GPR137: variants seen among roughly 807,000 people sequenced by gnomAD.
The protein encoded by GPR137 is G protein-coupled receptor 137.
A neutral mutation model predicts 38.9 loss-of-function variants in GPR137; 20 were observed. The ratio of observed to expected loss-of-function variants is 0.51; its 90% CI spans 0.36 to 0.75. The LOEUF (loss-of-function observed/expected upper bound fraction) is 0.75, where lower values mean the gene tolerates loss of function less well. Ranked by LOEUF, GPR137 falls within the 30% of genes least tolerant of loss-of-function variation. The probability of loss-of-function intolerance (pLI) is 0.00; values close to 1 mark genes in which losing one functional copy is unlikely to be tolerated. For missense variants in GPR137, 456 were observed against 526.4 expected (o/e 0.87, Z 1.31); for synonymous variants, 226 against 235.8 (o/e 0.96, Z 0.38).
chr11:64,271,809 G>A, upstream of GPR137: 1 of 1,396,768 alleles, frequency 7.2e-7, no homozygotes, highest in East Asian at 2.8e-5. Context: ...AGCGCCTGCA[G>A]AGGGTCAGTG....
upstream of GPR137, chr11:64,284,589 C>A: frequency 6.7e-7 from 1 of 1,496,206 alleles, no homozygotes; most frequent in South Asian, 1.3e-5. Flanking sequence ...CCCGGTGGAC[C>A]CAGGCCCCGC....
At chr11:64,284,544 G>T, upstream of GPR137, 1 of 1,506,278 alleles carries the variant, frequency 6.6e-7, no homozygotes, top group Non-Finnish European at 8.8e-7. Context: ...GGGAGCTGAG[G>T]CTGTCGGCTC....
Position 64,287,796 on chromosome 11 carries a change from C to A in GPR137, c.483C>A (p.Ser161=). The change falls in exon 3 of 7, where the codon TCC becomes TCA. Residue 161 remains serine, a synonymous_variant. Coordinates refer to ENST00000438980, the MANE Select transcript of GPR137 (RefSeq NM_001170880.2). The part of the protein sequence containing the change: ...LLVNVLCAVL[S]HRRRAQPWAL... Reference sequence around the variant, plus strand: ...TGAACGTGCTGTGTGCTGTGCTCTCCCATCGGCGCCGGGCACAGCCCTGGG... The same window carrying A: ...TGAACGTGCTGTGTGCTGTGCTCTCACATCGGCGCCGGGCACAGCCCTGGG... The A allele has an allele frequency of 6.2e-7, 1 of 1,607,286 alleles. No individual in the cohort carries two copies.
intron 2 of GPR137, 94 bp downstream of exon 2, chr11:64,287,108 A>G (rs889349852): frequency 5.9e-6 from 9 of 1,524,858 alleles, no homozygotes; most frequent in Admixed American, 2.1e-5. Flanking sequence ...GGCTGAGACA[A>G]AGGCAACCCA....
intron 2 of GPR137, among the ~76,000 whole-genome samples, chr11:64,277,273 A>T (rs1591157479): frequency 6.6e-6 from 1 of 152,040 alleles, no homozygotes; most frequent in South Asian, 2.1e-4. Context: ...CTGCCACCCC[A>T]CCCTGGGCAG....
In GPR137 at chr11:64,288,943, C is replaced by T; in HGVS notation, c.1032-94C>T. On this transcript the variant is annotated intron_variant, in intron 6 of 6. Coordinates refer to ENST00000438980, the MANE Select transcript of GPR137 (RefSeq NM_001170880.2). The surrounding 1 kb of genome is among the most constrained non-coding windows in gnomAD (Gnocchi z 5.5). ...TCCTGGGCCCCGAAGGTCTAGGTCA[C>T]AGGGGTTCTGTTCTAAGCCTGTCTT... is the stretch of plus-strand genomic sequence containing the variant. The T allele has an allele frequency of 1.4e-6, 2 of 1,449,230 alleles. No homozygotes were observed. Among genetic ancestry groups the T allele is most frequent in the Non-Finnish European group, 1.8e-6 (2 of 1,105,500 alleles). The allele number at this position is 1,449,230 out of a possible 1,614,324, so 89.8% of individuals were successfully genotyped here.
Position 64,286,730 on chromosome 11 carries a change from G to C in GPR137, c.206G>C (p.Trp69Ser). ...GTGTTCCTGGCCCTCTGTCTGCTCT[G>C]GGCCGCCTTGCGTACCACCCTCTTC... Reference protein sequence around the residue: ...QTVFLALCLLWAALRTTLFSF... With the variant: ...QTVFLALCLLSAALRTTLFSF... The change falls in exon 1 of 7, where the codon TGG becomes TCG. Residue 69 changes from tryptophan to serine, a missense_variant. Transcript: ENST00000438980. 6.2e-7 allele frequency: 1 copy of C among 1,613,524 alleles called. No individual in the cohort carries two copies. The highest frequency in any genetic ancestry group is 8.5e-7 in the Non-Finnish European group (1 of 1,179,714).
rs776278037 is a variant in GPR137, at chr11:64,289,305, C to T, written c.*109C>T. 4.3e-6 allele frequency: 7 copies of T among 1,611,942 alleles called. No individual in the cohort carries two copies. Among genetic ancestry groups the T allele is most frequent in the Non-Finnish European group, 5.9e-6 (7 of 1,179,558 alleles). ...CCCAGGATCCTGGGGGTCGTGGCTA[C>T]CCCCTCCTCTGGCCGGCTCCTTGCT... On this transcript the variant is annotated 3_prime_UTR_variant, in exon 7 of 7. Coordinates refer to ENST00000438980, the MANE Select transcript of GPR137 (RefSeq NM_001170880.2).
At position 64,288,094 on chromosome 11, in the gene GPR137, G is replaced by T. The variant is rs941423375; in HGVS notation, c.663G>T (p.Met221Ile). ...KGTSVCQAAA[M>I]GGAMVLLYAS... ...CCAGTGTGTGCCAGGCGGCCGCGAT[G>T]GGTGGCGCCATGGTCCTGCTCTATG... The change falls in exon 4 of 7, where the codon ATG (methionine) becomes ATT (isoleucine). Residue 221 changes from methionine (M) to isoleucine (I), a missense_variant. Met to Ile is a conservative substitution (Grantham distance 10). Coordinates refer to ENST00000438980, the MANE Select transcript of GPR137 (RefSeq NM_001170880.2). This position sits in a 1 kb window ranked among gnomAD's most constrained non-coding sequence, Gnocchi z 5.5. 2 of 1,611,918 alleles carry T rather than the reference G, an allele frequency of 1.2e-6. No homozygotes were observed. The highest frequency in any genetic ancestry group is 1.7e-6 in the Non-Finnish European group (2 of 1,179,968).
rs2034274541 is a variant in GPR137 at position 64,287,784 on chromosome 11, T to G, written c.471T>G (p.Cys157Trp). ...TCTTTCTGCTGGTGAACGTGCTGTG[T>G]GCTGTGCTCTCCCATCGGCGCCGGG... ...SLLFLLVNVL[C>W]AVLSHRRRAQ... The change falls in exon 3 of 7, where the codon TGT becomes TGG. Residue 157 changes from cysteine to tryptophan, a missense_variant. Physicochemically the swap from Cys to Trp is radical, Grantham distance 215. Transcript: ENST00000438980. 2 of 1,607,482 alleles carry G rather than the reference T, an allele frequency of 1.2e-6. No homozygotes were observed. The highest frequency in any genetic ancestry group is 1.3e-5 in the African/African-American group (1 of 74,920).
chr11:64,285,419 C>A (rs1184816924), upstream of GPR137: 3 of 984,292 alleles, frequency 3.0e-6, no homozygotes, highest in Non-Finnish European at 3.6e-6. Flanking sequence ...GAGGGGCGGG[C>A]CCGCGCGGGG....
chr11:64,288,869 T>C lies in GPR137; in HGVS notation c.1031+148T>C, dbSNP rs2135209074. ...CCCATCTGTACTAGGTGAGGTCCCCTGGGTTCCTATTGCTAAAGCCTCCAC... is the reference window on the plus strand; with the variant it reads ...CCCATCTGTACTAGGTGAGGTCCCCCGGGTTCCTATTGCTAAAGCCTCCAC... On this transcript the variant is annotated intron_variant, in intron 6 of 6. Coordinates refer to ENST00000438980, the MANE Select transcript of GPR137 (RefSeq NM_001170880.2). This position sits in a 1 kb window ranked among gnomAD's most constrained non-coding sequence, Gnocchi z 5.5. 1 of 1,440,802 alleles carries C rather than the reference T, an allele frequency of 6.9e-7. No individual in the cohort carries two copies. The highest frequency in any genetic ancestry group is 1.8e-4 in the Middle Eastern group (1 of 5,448). The allele number at this position is 1,440,802 out of a possible 1,614,324, so 89.3% of individuals were successfully genotyped here.
upstream of GPR137, chr11:64,271,873 C>T: frequency 8.0e-7 from 1 of 1,243,030 alleles, no homozygotes; most frequent in Non-Finnish European, 1.0e-6. Context: ...CCTGCCTGAA[C>T]CCTCCCCATC....
intron 2 of GPR137, chr11:64,276,837 C>T (rs575997979): frequency 1.4e-4 from 101 of 713,496 alleles, no homozygotes; most frequent in African/African-American, 1.3e-3. Context: ...GAGCCTGGCC[C>T]GGAGCTGGGT....
chr11:64,273,523 C>A (rs1454649624), upstream of GPR137, among the ~76,000 whole-genome samples: 1 of 152,150 alleles, frequency 6.6e-6, no homozygotes, highest in Non-Finnish European at 1.5e-5. Context: ...CTCCTCTACC[C>A]AGACCGATAA....
At chr11:64,278,866 G>A (rs2033241342) in intron 2 of GPR137, among the ~76,000 whole-genome samples, 1 of 152,216 alleles carries the variant, frequency 6.6e-6, no homozygotes, top group Non-Finnish European at 1.5e-5. Context: ...GAGGGCAGAG[G>A]CCCCGTGGCT....
chr11:64,287,758 C>G lies in GPR137; in HGVS notation c.445C>G (p.Leu149Val). Residue 149 changes from leucine to valine, a missense_variant, in exon 3 of 7, where the codon CTC (leucine) becomes GTC (valine). Coordinates refer to ENST00000438980, the MANE Select transcript of GPR137 (RefSeq NM_001170880.2). ...AGGGGCCTTTGTGGGGGCCTCGCTG[C>G]TCTTTCTGCTGGTGAACGTGCTGTG... ...VRGAFVGASL[L>V]FLLVNVLCAV... 6.2e-7 allele frequency: 1 copy of G among 1,606,676 alleles called. No homozygotes were observed. Among genetic ancestry groups the G allele is most frequent in the Non-Finnish European group, 8.5e-7 (1 of 1,179,930 alleles).
exon 1 of GPR137, chr11:64,275,688 TCTC>T (rs1319777744): frequency 3.3e-5 from 5 of 151,962 alleles, no homozygotes; most frequent in Admixed American, 1.3e-4. Flanking sequence ...CGGCAGCTGT[TCTC>T]CTCCACTAGC....
chr11:64,288,775 G>C lies in GPR137; in HGVS notation c.1031+54G>C. The C allele has an allele frequency of 6.8e-7, 1 of 1,477,652 alleles. No homozygotes were observed. Among genetic ancestry groups the C allele is most frequent in the Non-Finnish European group, 9.0e-7 (1 of 1,115,466 alleles). The allele number at this position is 1,477,652 out of a possible 1,614,324, so 91.5% of individuals were successfully genotyped here. On this transcript the variant is annotated intron_variant, in intron 6 of 6. Coordinates refer to ENST00000438980, the MANE Select transcript of GPR137 (RefSeq NM_001170880.2). The surrounding 1 kb of genome is among the most constrained non-coding windows in gnomAD (Gnocchi z 5.5). The stretch of plus-strand genomic sequence containing the variant: ...CCTGCCCTACCCGCCCACCCCGCTG[G>C]CTCCATCAAGCTATGGGGGACCGAG...
Sources: allele counts gnomAD v4.1 joint callset (sites outside exome capture counted in the v4.1 genomes callset), GRCh38; gene constraint gnomAD v4.1.1; non-coding constraint Gnocchi (gnomAD v3.1); transcripts MANE v1.5; gene names NCBI Gene and HGNC (gene_info 2026-07-23, HGNC 2026-07-21).